The following YAP1 variants were observed in gnomAD, a reference collection of about 807,000 sequenced individuals.
YAP1 encodes the protein transcriptional coactivator YAP1.
YAP1 carries 5 observed loss-of-function variants against 56.9 expected under a neutral mutation model. The observed-to-expected ratio is 0.09, with a 90% CI of 0.05 to 0.18. The LOEUF (loss-of-function observed/expected upper bound fraction) is 0.18, where lower values mean the gene tolerates loss of function less well. YAP1 is among the 10% of genes least tolerant of loss of function. The probability of loss-of-function intolerance (pLI) is 1.00; values close to 1 mark genes in which losing one functional copy is unlikely to be tolerated. For missense variants in YAP1, 539 were observed against 651.8 expected, an observed-to-expected ratio of 0.83 and a Z score of 1.88; for synonymous variants, 265 against 248.1, an observed-to-expected ratio of 1.07 and a Z score of -0.64.
chr11:102,211,453 A>G (rs549874645), intron 6 of YAP1, among the ~76,000 whole-genome samples: 5 of 152,336 alleles, frequency 3.3e-5, no homozygotes, highest in East Asian at 1.9e-4. Context: ...TCTTCTTTGC[A>G]TATGCTGGAG....
chr11:102,225,718 C>G (rs140561789), intron 7 of YAP1, among the ~76,000 whole-genome samples: 1 of 152,138 alleles, frequency 6.6e-6, no homozygotes, highest in South Asian at 2.1e-4. Flanking sequence ...CCTGTTTGTT[C>G]TGAAAGCACT....
chr11:102,150,515 A>G (rs1345760977), intron 2 of YAP1, among the ~76,000 whole-genome samples: 3 of 152,156 alleles, frequency 2.0e-5, no homozygotes, highest in Non-Finnish European at 2.9e-5. Flanking sequence ...CCTGCATTAT[A>G]TAATGTATGT....
intron 4 of YAP1, among the ~76,000 whole-genome samples, chr11:102,200,869 A>G (rs1948819010): frequency 6.6e-6 from 1 of 152,196 alleles, no homozygotes; most frequent in Admixed American, 6.5e-5. Flanking sequence ...ACATAGCAAA[A>G]ATAAAATCAT....
intron 2 of YAP1, among the ~76,000 whole-genome samples, chr11:102,158,039 C>G (rs1012773350): frequency 6.6e-6 from 1 of 152,118 alleles, no homozygotes; most frequent in Non-Finnish European, 1.5e-5. Context: ...TCTGACATCA[C>G]GAAATCTTAG....
chr11:102,116,247 A>T (rs894549356), intron 2 of YAP1, among the ~76,000 whole-genome samples: 1 of 152,234 alleles, frequency 6.6e-6, no homozygotes, highest in African/African-American at 2.4e-5. Context: ...TGTAACAACT[A>T]TTTAGCCTTT....
At chr11:102,194,007 A>G (rs373815272) in intron 4 of YAP1, among the ~76,000 whole-genome samples, 2 of 151,954 alleles carry the variant, frequency 1.3e-5, no homozygotes, top group African/African-American at 4.8e-5. Flanking sequence ...GGGTTTCACC[A>G]TGTTAGCCAG....
chr11:102,171,961 A>G (rs1033736081), intron 3 of YAP1, among the ~76,000 whole-genome samples: 3 of 152,092 alleles, frequency 2.0e-5, no homozygotes, highest in Non-Finnish European at 4.4e-5. Context: ...AGGCCGAGGC[A>G]GGTGGATCAC....
intron 2 of YAP1, among the ~76,000 whole-genome samples, chr11:102,137,516 CA>C (rs1351953685): frequency 1.3e-5 from 2 of 152,224 alleles, no homozygotes; most frequent in East Asian, 3.9e-4. Flanking sequence ...ACAAGTCTTC[CA>C]ATTTTGCTGT....
intron 2 of YAP1, among the ~76,000 whole-genome samples, chr11:102,161,946 TAC>T (rs1946315581): frequency 6.6e-6 from 1 of 152,216 alleles, no homozygotes. Flanking sequence ...AATGAAAACT[TAC>T]AGATGAAGTT....
At chr11:102,126,431 A>G (rs1468712106) in intron 2 of YAP1, among the ~76,000 whole-genome samples, 3 of 152,114 alleles carry the variant, frequency 2.0e-5, no homozygotes, top group Non-Finnish European at 1.5e-5. Flanking sequence ...TTCCCGTGCT[A>G]TTCTCGTGAT....
At chr11:102,207,490 G>A (rs767659378) in intron 5 of YAP1, among the ~76,000 whole-genome samples, 4 of 151,002 alleles carry the variant, frequency 2.6e-5, no homozygotes, top group Non-Finnish European at 5.9e-5. Context: ...CCAGGAGTTC[G>A]AAACCAGCCT....
At chr11:102,206,144 A>G (rs1949110762) in intron 5 of YAP1, 70 bp downstream of exon 5, 1 of 1,536,550 alleles carries the variant, frequency 6.5e-7, no homozygotes, top group African/African-American at 1.4e-5. Flanking sequence ...GGCAGATTTC[A>G]TTTTAACATT....
At chr11:102,213,161 G>C (rs895915724) in intron 6 of YAP1, among the ~76,000 whole-genome samples, 1 of 152,104 alleles carries the variant, frequency 6.6e-6, no homozygotes, top group African/African-American at 2.4e-5. Flanking sequence ...CCTGAGGTGC[G>C]AACACTTCTA....
intron 2 of YAP1, among the ~76,000 whole-genome samples, chr11:102,133,435 A>G (rs547791559): frequency 6.6e-6 from 1 of 152,122 alleles, no homozygotes; most frequent in Non-Finnish European, 1.5e-5. Context: ...AGCTGGGACT[A>G]CAGGCACGTT....
intron 7 of YAP1, among the ~76,000 whole-genome samples, chr11:102,224,199 G>C (rs17097551): frequency 0.046 from 7,068 of 152,238 alleles, 518 homozygotes; most frequent in African/African-American, 0.16. Context: ...GTTCTTAAGG[G>C]CTATAGTCCA....
intron 4 of YAP1, among the ~76,000 whole-genome samples, chr11:102,201,099 A>C (rs1352976674): frequency 2.6e-5 from 4 of 152,238 alleles, no homozygotes; most frequent in Non-Finnish European, 5.9e-5. Context: ...ATATAGTAGC[A>C]GAAATACAAA....
intron 6 of YAP1, among the ~76,000 whole-genome samples, chr11:102,220,678 G>A (rs1249570294): frequency 6.6e-6 from 1 of 152,126 alleles, no homozygotes; most frequent in Non-Finnish European, 1.5e-5. Flanking sequence ...GAGGTTGGAG[G>A]GCTGGTAGAG....
Position 102,223,728 on chromosome 11 carries a change from A to G in YAP1, c.1139A>G (p.Asn380Ser), listed in dbSNP as rs758954394. ...CAGGAATTGAGAACAATGACGACCA[A>G]TAGCTCAGATCCTTTCCTTAACAGG... is the stretch of plus-strand genomic sequence containing the variant. Reference protein sequence around the residue: ...MSQELRTMTTNSSDPFLNSGT... With the variant: ...MSQELRTMTTSSSDPFLNSGT... Residue 380 changes from asparagine to serine, a missense_variant, in exon 7 of 9, where the codon AAT (asparagine) becomes AGT (serine). Coordinates refer to ENST00000282441, the MANE Select transcript of YAP1 (RefSeq NM_001130145.3). The G allele has an allele frequency of 7.4e-6, 12 of 1,614,144 alleles. No individual in the cohort carries two copies. The highest frequency in any genetic ancestry group is 4.5e-5 in the East Asian group (2 of 44,872).
rs867584711 is a variant in YAP1 at position 102,180,577 on chromosome 11, G to A, written c.689-5441G>A. 3.1e-4 allele frequency among the ~76,000 whole-genome samples: 47 copies of A among 150,374 alleles called. 1 individual carries two copies. The Middle Eastern group carries it at 0.017, about 56-fold the overall frequency. The stretch of plus-strand genomic sequence containing the variant: ...GGCGCCTGTAGTCCCAGCTACTTGG[G>A]ATGCTGAGGCAGGAGAATGGCATGA... On this transcript the variant is annotated intron_variant, in intron 3 of 8. Transcript: ENST00000282441.
Sources: allele counts gnomAD v4.1 joint callset (sites outside exome capture counted in the v4.1 genomes callset), GRCh38; gene constraint gnomAD v4.1.1; transcripts MANE v1.5; gene names NCBI Gene and HGNC (gene_info 2026-07-23, HGNC 2026-07-21).